Variants in RAD54B observed in about 807,000 individuals in gnomAD.
RAD54B encodes RAD54 homolog B, also known as DNA repair and recombination protein RAD54B.
In RAD54B, 78 loss-of-function variants were observed where a neutral mutation model predicts 95.8. That is an observed-to-expected ratio of 0.81 (90% confidence interval 0.68 to 0.98). The LOEUF is 0.98. RAD54B is among the 50% of genes least tolerant of loss of function. RAD54B has a pLI of 0.00. For synonymous variants in RAD54B, 328 were observed against 354.9 expected (o/e 0.92, Z 0.85); for missense variants, 957 against 1,056.6 (o/e 0.91, Z 1.31).
chr8:94,417,361 A>G (rs1320083648), intron 3 of RAD54B, among the ~76,000 whole-genome samples: 1 of 152,146 alleles, frequency 6.6e-6, no homozygotes, highest in African/African-American at 2.4e-5. Context: ...TTAAAAAACA[A>G]TGAATTGTAC....
chr8:94,434,953 T>A (rs1020711651), intron 3 of RAD54B, among the ~76,000 whole-genome samples: 11 of 151,716 alleles, frequency 7.3e-5, no homozygotes, highest in Non-Finnish European at 1.2e-4. Flanking sequence ...CAGATACTTG[T>A]ATATTTATAT....
intron 3 of RAD54B, chr8:94,430,303 T>G: frequency 9.8e-6 from 9 of 919,698 alleles, no homozygotes; most frequent in Non-Finnish European, 1.1e-5. Flanking sequence ...AAAGCAAGAC[T>G]CCATCTCAAA....
chr8:94,427,272 T>G (rs987988264), intron 3 of RAD54B, among the ~76,000 whole-genome samples: 4 of 152,036 alleles, frequency 2.6e-5, no homozygotes, highest in Non-Finnish European at 4.4e-5. Context: ...TATTTTGCTT[T>G]CCACTATTAC....
chr8:94,449,014 G>A (rs188479130), intron 3 of RAD54B, among the ~76,000 whole-genome samples: 16 of 150,094 alleles, frequency 1.1e-4, no homozygotes, highest in South Asian at 4.2e-4. Context: ...ATATATGTAC[G>A]TGTGTGCACA....
chr8:94,464,319 C>T (rs148882472), intron 2 of RAD54B, among the ~76,000 whole-genome samples: 19 of 152,148 alleles, frequency 1.2e-4, no homozygotes, highest in East Asian at 7.7e-4. Context: ...GCTATGAAGA[C>T]GGAAGAAGGG....
chr8:94,457,871 A>G (rs1481826258), intron 3 of RAD54B, among the ~76,000 whole-genome samples: 19 of 152,104 alleles, frequency 1.2e-4, no homozygotes, highest in Admixed American at 1.2e-3. Context: ...TAATAATTCA[A>G]CTCTGATTTG....
In RAD54B at chr8:94,407,734, A is replaced by C. The variant is rs201646485; in HGVS notation, c.500-14T>G. ...TATAACCAATGCCTTTAAGTTAAGAAAGAAAAAAATTAATTGACACTCTAT... is the reference window on the plus strand; with the variant it reads ...TATAACCAATGCCTTTAAGTTAAGACAGAAAAAAATTAATTGACACTCTAT... On this transcript the variant is annotated splice_polypyrimidine_tract_variant and intron_variant, in intron 4 of 14. Transcript: ENST00000336148. 3.9e-4 allele frequency: 626 copies of C among 1,598,446 alleles called. 8 individuals carry two copies. The South Asian group carries it at 6.7e-3, about 17-fold the overall frequency.
At position 94,380,426 on chromosome 8, in the gene RAD54B, A is replaced by T; in HGVS notation, c.1986-20T>A. The T allele has an allele frequency of 1.3e-6, 2 of 1,563,146 alleles. No individual in the cohort carries two copies. The highest frequency in any genetic ancestry group is 1.7e-6 in the Non-Finnish European group (2 of 1,155,922). ...ACCACCCTGTCAATCAAAAAGAAAG[A>T]TTCTTTAGATAAATTTAAAGGCAGC... On this transcript the variant is annotated intron_variant, in intron 11 of 14. Transcript: ENST00000336148.
chr8:94,454,523 T>C (rs761322990), intron 3 of RAD54B, among the ~76,000 whole-genome samples: 4 of 152,220 alleles, frequency 2.6e-5, no homozygotes, highest in Non-Finnish European at 5.9e-5. Context: ...ATGATAGTAA[T>C]ATTTTGCTAA....
intron 3 of RAD54B, among the ~76,000 whole-genome samples, chr8:94,433,145 G>A (rs1184234761): frequency 4.6e-5 from 7 of 152,136 alleles, no homozygotes; most frequent in African/African-American, 1.7e-4. Flanking sequence ...CCATCTATGG[G>A]AGGTACTGAT....
chr8:94,418,029 C>T (rs1811717263), intron 3 of RAD54B, among the ~76,000 whole-genome samples: 2 of 152,196 alleles, frequency 1.3e-5, no homozygotes, highest in South Asian at 4.1e-4. Flanking sequence ...TGCAGCTCCT[C>T]CAGTTTTCTG....
At chr8:94,384,795 G>C (rs907752665) in intron 11 of RAD54B, among the ~76,000 whole-genome samples, 2 of 152,122 alleles carry the variant, frequency 1.3e-5, no homozygotes, top group African/African-American at 4.8e-5. Flanking sequence ...CAACATGGCA[G>C]GGTTTAGGTT....
chr8:94,406,573 T>A (rs1811394715), intron 5 of RAD54B, among the ~76,000 whole-genome samples: 1 of 152,224 alleles, frequency 6.6e-6, no homozygotes, highest in African/African-American at 2.4e-5. Flanking sequence ...GTAAGTCGGT[T>A]CATCTTCCTG....
At chr8:94,442,094 T>C (rs1366568831) in intron 3 of RAD54B, among the ~76,000 whole-genome samples, 1 of 152,144 alleles carries the variant, frequency 6.6e-6, no homozygotes, top group Non-Finnish European at 1.5e-5. Flanking sequence ...TGCAGCAACA[T>C]GGATGGAACT....
At chr8:94,396,781 G>C (rs190395023) in intron 8 of RAD54B, among the ~76,000 whole-genome samples, 7 of 152,202 alleles carry the variant, frequency 4.6e-5, no homozygotes, top group Admixed American at 2.0e-4. Context: ...ACTGTTTTTG[G>C]AGATAGGACC....
chr8:94,410,735 A>G (rs72674808), intron 4 of RAD54B, among the ~76,000 whole-genome samples: 4,214 of 152,320 alleles, frequency 0.028, 94 homozygotes, highest in Non-Finnish European at 0.042. Flanking sequence ...CTGAAATTAC[A>G]TATCATTCAA....
intron 9 of RAD54B, among the ~76,000 whole-genome samples, chr8:94,392,189 A>G (rs1342135848): frequency 6.6e-6 from 1 of 152,202 alleles, no homozygotes; most frequent in Non-Finnish European, 1.5e-5. Flanking sequence ...CAACACGTAG[A>G]CCATAATTTA....
chr8:94,467,552 T>C lies in RAD54B; in HGVS notation c.-13A>G. ...CAGATCGTCTCATATTCAGCAGTCG[T>C]GACCTGAAAAATACCCAAAACAGTT... On this transcript the variant is annotated 5_prime_UTR_variant, in exon 2 of 15. Coordinates refer to ENST00000336148, the MANE Select transcript of RAD54B (RefSeq NM_012415.3). The C allele has an allele frequency of 6.2e-7, 1 of 1,603,892 alleles. No individual in the cohort carries two copies. Among genetic ancestry groups the C allele is most frequent in the Non-Finnish European group, 8.5e-7 (1 of 1,177,692 alleles).
chr8:94,419,313 G>T (rs1242148075), intron 3 of RAD54B, among the ~76,000 whole-genome samples: 2 of 152,106 alleles, frequency 1.3e-5, no homozygotes, highest in South Asian at 2.1e-4. Flanking sequence ...TTCGAGACCA[G>T]CCTGACCAAC....
Sources: allele counts gnomAD v4.1 joint callset (sites outside exome capture counted in the v4.1 genomes callset), GRCh38; gene constraint gnomAD v4.1.1; transcripts MANE v1.5; gene names NCBI Gene and HGNC (gene_info 2026-07-23, HGNC 2026-07-21).